Variants in VWA3B observed in about 807,000 individuals in gnomAD.
The protein encoded by VWA3B is von Willebrand factor A domain-containing protein 3B.
A neutral mutation model predicts 158.3 loss-of-function variants in VWA3B; 138 were observed. The ratio of observed to expected loss-of-function variants is 0.87; its 90% CI spans 0.76 to 1.00. The LOEUF is 1.00. VWA3B is among the 50% of genes least tolerant of loss of function. The pLI, the probability that VWA3B is intolerant of heterozygous loss-of-function variation, is 0.00. For synonymous variants in VWA3B, 596 were observed against 587.3 expected (o/e 1.01, Z -0.21); for missense variants, 1,555 against 1,565.1 (o/e 0.99, Z 0.11).
In VWA3B at chr2:98,311,883, G is replaced by T; in HGVS notation, c.3586G>T (p.Asp1196Tyr). ...GCCACTGAAAGAAGCGGACACGCAG[G>T]ATTCCAGAGAGCCAAGACGAGAGAA... ...FWPLKEADTQ[D>Y]SREPRREKPR... The change falls in exon 27 of 28, where the codon GAT (aspartate) becomes TAT (tyrosine). Residue 1196 changes from aspartate (D) to tyrosine (Y), a missense_variant. Coordinates refer to ENST00000477737, the MANE Select transcript of VWA3B (RefSeq NM_144992.5). The T allele has an allele frequency of 6.2e-7, 1 of 1,612,392 alleles. No individual in the cohort carries two copies. Among genetic ancestry groups the T allele is most frequent in the Non-Finnish European group, 8.5e-7 (1 of 1,179,306 alleles).
intron 7 of VWA3B, among the ~76,000 whole-genome samples, chr2:98,151,064 A>G (rs1266488111): frequency 6.6e-6 from 1 of 152,082 alleles, no homozygotes; most frequent in African/African-American, 2.4e-5. Context: ...TCACAGGTCT[A>G]CATGTCACCT....
chr2:98,315,621 G>A (rs147624519), downstream of VWA3B, among the ~76,000 whole-genome samples: 32 of 152,284 alleles, frequency 2.1e-4, no homozygotes, highest in African/African-American at 7.7e-4. Context: ...CCAACTCTAG[G>A]AGTCTACAGC....
At chr2:98,307,547 G>A (rs1417658170) in intron 26 of VWA3B, among the ~76,000 whole-genome samples, 1 of 152,232 alleles carries the variant, frequency 6.6e-6, no homozygotes, top group Non-Finnish European at 1.5e-5. Context: ...AAACTAAATT[G>A]TGAGAGCTAA....
intron 1 of VWA3B, among the ~76,000 whole-genome samples, chr2:98,092,814 T>TTGTATG (rs1244816104): frequency 2.4e-5 from 2 of 84,950 alleles, no homozygotes; most frequent in East Asian, 7.5e-4. Context: ...CTAGATGTTT[T>TTGTATG]TGTATATATA....
chr2:98,144,152 G>T (rs56792016), intron 7 of VWA3B, among the ~76,000 whole-genome samples: 16,218 of 151,992 alleles, frequency 0.11, 1,121 homozygotes, highest in African/African-American at 0.19. Flanking sequence ...TATATGTATG[G>T]ATGGATGGAT....
chr2:98,168,796 T>C (rs765539312), intron 8 of VWA3B, among the ~76,000 whole-genome samples: 5 of 151,752 alleles, frequency 3.3e-5, no homozygotes, highest in Middle Eastern at 3.4e-3. Context: ...GAGACAGACA[T>C]ATGAAAAAAA....
In VWA3B at chr2:98,303,769, T is replaced by A; in HGVS notation, c.3488T>A (p.Ile1163Lys). The A allele has an allele frequency of 1.2e-6, 2 of 1,614,168 alleles. No individual in the cohort carries two copies. Among genetic ancestry groups the A allele is most frequent in the Non-Finnish European group, 1.7e-6 (2 of 1,180,022 alleles). The change falls in exon 26 of 28, where the codon ATA (isoleucine) becomes AAA (lysine). Residue 1163 changes from isoleucine to lysine, a missense_variant. Transcript: ENST00000477737. ...QNKYALSCSH[I>K]KSPPIPEDPE... ...AAGTATGCGCTCTCTTGCTCTCATA[T>A]AAAGTCACCCCCAATTCCTGAGGAT...
intron 23 of VWA3B, 154 bp downstream of exon 23, chr2:98,290,776 G>T: frequency 1.7e-6 from 1 of 586,412 alleles, no homozygotes; most frequent in Non-Finnish European, 3.0e-6. Context: ...GAATATCTCT[G>T]GCCAGCTCAT....
At chr2:98,101,239 A>G (rs1683057097) in intron 2 of VWA3B, among the ~76,000 whole-genome samples, 1 of 152,196 alleles carries the variant, frequency 6.6e-6, no homozygotes, top group South Asian at 2.1e-4. Context: ...CTTAACTCCC[A>G]GTAGTGCTGC....
At chr2:98,324,934 G>T in the VWA3B span, among the ~76,000 whole-genome samples, 3 of 151,984 alleles carry the variant, frequency 2.0e-5, no homozygotes, top group Admixed American at 2.0e-4. Context: ...CACTGGATGG[G>T]CTTAAGAACA....
At chr2:98,197,192 T>A (rs1348082167) in intron 12 of VWA3B, among the ~76,000 whole-genome samples, 1 of 152,210 alleles carries the variant, frequency 6.6e-6, no homozygotes, top group Non-Finnish European at 1.5e-5. Context: ...CTGTAGAATG[T>A]CCTTAAGTTT....
intron 2 of VWA3B, among the ~76,000 whole-genome samples, chr2:98,104,327 G>A (rs1338897096): frequency 3.3e-5 from 5 of 152,192 alleles, no homozygotes; most frequent in Non-Finnish European, 7.4e-5. Context: ...TCTGCATCTG[G>A]TGAGGGCCTC....
intron 2 of VWA3B, among the ~76,000 whole-genome samples, chr2:98,105,192 T>C (rs2104873906): frequency 6.6e-6 from 1 of 152,338 alleles, no homozygotes; most frequent in Admixed American, 6.5e-5. Flanking sequence ...CTTTTTTCAG[T>C]TTTCGTTTAT....
At chr2:98,294,605 A>T (rs1299813749) in intron 23 of VWA3B, among the ~76,000 whole-genome samples, 1 of 152,218 alleles carries the variant, frequency 6.6e-6, no homozygotes, top group African/African-American at 2.4e-5. Flanking sequence ...CACATTTTCA[A>T]CCCTTATTTG....
chr2:98,240,740 A>G (rs981204031), intron 19 of VWA3B, among the ~76,000 whole-genome samples: 4 of 152,186 alleles, frequency 2.6e-5, no homozygotes, highest in African/African-American at 9.7e-5. Flanking sequence ...AAGCAAACTT[A>G]ATATTCAGTC....
intron 22 of VWA3B, among the ~76,000 whole-genome samples, chr2:98,283,986 G>C (rs1456258317): frequency 1.3e-5 from 2 of 152,206 alleles, no homozygotes; most frequent in Admixed American, 6.5e-5. Flanking sequence ...TCTCCTCTGG[G>C]TGAAAGCTCA....
At chr2:98,139,374 G>A (rs767928876) in intron 7 of VWA3B, among the ~76,000 whole-genome samples, 4 of 152,254 alleles carry the variant, frequency 2.6e-5, no homozygotes, top group African/African-American at 9.6e-5. Flanking sequence ...CCACCCAAGC[G>A]CTGAGGAGTG....
chr2:98,320,338 T>C, the VWA3B span, among the ~76,000 whole-genome samples: 3 of 152,222 alleles, frequency 2.0e-5, no homozygotes, highest in African/African-American at 7.2e-5. Context: ...GTCTCGGGTA[T>C]GTCTTTATTA....
rs1678746700 is a variant in VWA3B, at chr2:98,162,942, G to A, written c.1080G>A (p.Glu360=). 1 of 1,614,002 alleles carries A rather than the reference G, an allele frequency of 6.2e-7. No individual in the cohort carries two copies. Among genetic ancestry groups the A allele is most frequent in the African/African-American group, 1.3e-5 (1 of 74,936 alleles). The change falls in exon 8 of 28, where the codon GAG becomes GAA. Residue 360 remains glutamate, a synonymous_variant. Coordinates refer to ENST00000477737, the MANE Select transcript of VWA3B (RefSeq NM_144992.5). ...CCCAGATCCAGAGGCTGGTGGCCGA[G>A]CCTCCCAAGCCCGACGTGGCCACTG... ...TLAQIQRLVA[E]PPKPDVATVD... is the part of the protein sequence containing the mutation.
Sources: allele counts gnomAD v4.1 joint callset (sites outside exome capture counted in the v4.1 genomes callset), GRCh38; gene constraint gnomAD v4.1.1; transcripts MANE v1.5; gene names NCBI Gene and HGNC (gene_info 2026-07-23, HGNC 2026-07-21).